Variants in HPSE2 observed in about 807,000 individuals in gnomAD.
HPSE2 encodes the protein inactive heparanase-2.
HPSE2 carries 38 observed loss-of-function variants against 60.5 expected under a neutral mutation model. That is an observed-to-expected ratio of 0.63 (90% CI 0.48 to 0.82). The LOEUF is 0.82. HPSE2 is among the 40% of genes least tolerant of loss of function. The pLI, the probability that HPSE2 is intolerant of heterozygous loss-of-function variation, is 0.00. For synonymous variants in HPSE2, 295 were observed against 293.2 expected, an observed-to-expected ratio of 1.01 and a Z score of -0.06; for missense variants, 713 against 740.4, an observed-to-expected ratio of 0.96 and a Z score of 0.43.
intron 3 of HPSE2, among the ~76,000 whole-genome samples, chr10:99,050,715 T>C (rs753418692): frequency 4.6e-5 from 7 of 152,094 alleles, no homozygotes; most frequent in African/African-American, 7.2e-5. Context: ...TGGGACACCA[T>C]GGGTGAACCT....
intron 6 of HPSE2, among the ~76,000 whole-genome samples, chr10:98,671,201 C>T (rs553258482): frequency 7.9e-5 from 12 of 152,240 alleles, no homozygotes; most frequent in Non-Finnish European, 1.3e-4. Flanking sequence ...GGGTTCTACA[C>T]GAGGAACATA....
intron 9 of HPSE2, among the ~76,000 whole-genome samples, chr10:98,582,203 A>G (rs1354765418): frequency 6.6e-6 from 1 of 152,240 alleles, no homozygotes; most frequent in African/African-American, 2.4e-5. Context: ...TTGTGTTGAA[A>G]ATGTAAACGG....
At chr10:98,526,547 C>T (rs1375763319) in intron 9 of HPSE2, among the ~76,000 whole-genome samples, 2 of 152,168 alleles carry the variant, frequency 1.3e-5, no homozygotes, top group African/African-American at 2.4e-5. Flanking sequence ...AGTGCTTGTG[C>T]TCAGGCAGCA....
In HPSE2 at chr10:98,679,555, GT is replaced by G. The variant is rs201476015; in HGVS notation, c.1004+14344del. ...GTTTGCTCTCAATACTTTCTACTGT[GT>G]TTTTTTTAAAATAAGCTATTTTTAT... On this transcript the variant is annotated intron_variant, in intron 6 of 11. Transcript: ENST00000370552. Among the ~76,000 whole-genome samples, 40 of 151,648 alleles carry G rather than the reference GT, an allele frequency of 2.6e-4. No homozygotes were observed. The East Asian group carries it at 7.2e-3, about 27-fold the overall frequency.
At chr10:99,211,350 A>G (rs961528563) in intron 2 of HPSE2, among the ~76,000 whole-genome samples, 30 of 152,234 alleles carry the variant, frequency 2.0e-4, no homozygotes, top group African/African-American at 7.0e-4. Flanking sequence ...GATTTAGAAA[A>G]AATCCTAAAA....
chr10:99,266,801 C>G, the HPSE2 span, among the ~76,000 whole-genome samples: 1 of 152,180 alleles, frequency 6.6e-6, no homozygotes, highest in Non-Finnish European at 1.5e-5. Context: ...GCTGAGAGAC[C>G]TGAAGATTGT....
In HPSE2 at chr10:98,997,386, G is replaced by T. The variant is rs185866599; in HGVS notation, c.610+146852C>A. ...CCACCTCAGACTCCCAAACTGCTGG[G>T]ATTACAGGCTTCAGCCACTGTGCCC... is the stretch of plus-strand genomic sequence containing the variant. On this transcript the variant is annotated intron_variant, in intron 3 of 11. Transcript: ENST00000370552. Among the ~76,000 whole-genome samples, 617 of 152,148 alleles carry T rather than the reference G, an allele frequency of 4.1e-3. 3 individuals carry two copies. The highest frequency in any genetic ancestry group is 0.014 in the African/African-American group (599 of 41,520).
chr10:99,013,375 T>C (rs937757645), intron 3 of HPSE2: 4 of 582,666 alleles, frequency 6.9e-6, no homozygotes, highest in African/African-American at 5.6e-5. Flanking sequence ...ACAGCAACTA[T>C]ACAGACTCTG....
chr10:98,997,595 T>C (rs1333423536), intron 3 of HPSE2, among the ~76,000 whole-genome samples: 1 of 152,240 alleles, frequency 6.6e-6, no homozygotes, highest in Admixed American at 6.5e-5. Context: ...ATTTGTATTT[T>C]ATACTTTGGC....
At chr10:99,036,845 A>G (rs776783691) in intron 3 of HPSE2, among the ~76,000 whole-genome samples, 10 of 152,170 alleles carry the variant, frequency 6.6e-5, no homozygotes, top group Non-Finnish European at 1.2e-4. Flanking sequence ...GTGAAGCTTA[A>G]TTCCCATCCT....
chr10:98,554,102 T>C (rs1349240583), intron 9 of HPSE2, among the ~76,000 whole-genome samples: 1 of 152,164 alleles, frequency 6.6e-6, no homozygotes, highest in Non-Finnish European at 1.5e-5. Context: ...TTTCCCATAA[T>C]CCTGAGAGAA....
At chr10:99,158,611 G>T in intron 2 of HPSE2, among the ~76,000 whole-genome samples, 1 of 132,144 alleles carries the variant, frequency 7.6e-6, no homozygotes, top group African/African-American at 2.9e-5. Flanking sequence ...GGTGGGGTGG[G>T]GGGAGGGATA....
chr10:98,846,594 A>G (rs1952041063), intron 3 of HPSE2, among the ~76,000 whole-genome samples: 1 of 152,226 alleles, frequency 6.6e-6, no homozygotes, highest in South Asian at 2.1e-4. Flanking sequence ...CATTAATGAA[A>G]AAGCTTTCAA....
chr10:99,069,080 G>A (rs1842703950), intron 3 of HPSE2, among the ~76,000 whole-genome samples: 1 of 152,168 alleles, frequency 6.6e-6, no homozygotes, highest in African/African-American at 2.4e-5. Flanking sequence ...TCCAGTAACT[G>A]AAGATGCAGG....
In HPSE2 at chr10:98,767,061, T is replaced by C. The variant is rs919916653; in HGVS notation, c.611-23005A>G. 1.3e-4 allele frequency among the ~76,000 whole-genome samples: 20 copies of C among 152,226 alleles called. 1 individual carries two copies. Among genetic ancestry groups the C allele is most frequent in the Non-Finnish European group, 2.2e-4 (15 of 68,032 alleles). On this transcript the variant is annotated intron_variant, in intron 3 of 11. Transcript: ENST00000370552. ...TATATCCGACAAAATTCAACATTAATTCATTATTTTAAAAAATTCATAGCT... is the reference window on the plus strand; with the variant it reads ...TATATCCGACAAAATTCAACATTAACTCATTATTTTAAAAAATTCATAGCT...
chr10:99,302,539 T>C, the HPSE2 span, among the ~76,000 whole-genome samples: 1 of 152,096 alleles, frequency 6.6e-6, no homozygotes, highest in Non-Finnish European at 1.5e-5. Flanking sequence ...ACTCCACCCA[T>C]GTCAGCCACA....
chr10:98,584,192 GT>G (rs1944879143), intron 9 of HPSE2, among the ~76,000 whole-genome samples: 2 of 152,312 alleles, frequency 1.3e-5, no homozygotes, highest in Admixed American at 6.5e-5. Context: ...TAAAAAGAGT[GT>G]GAAGGGAGTA....
At chr10:99,187,735 A>C (rs916614513) in intron 2 of HPSE2, among the ~76,000 whole-genome samples, 1 of 152,230 alleles carries the variant, frequency 6.6e-6, no homozygotes, top group African/African-American at 2.4e-5. Flanking sequence ...GACTGACTAT[A>C]ATAAGCTTTG....
chr10:99,113,476 T>C (rs1055719366), intron 3 of HPSE2, among the ~76,000 whole-genome samples: 1 of 152,174 alleles, frequency 6.6e-6, no homozygotes, highest in Non-Finnish European at 1.5e-5. Context: ...CATACGTATA[T>C]ACACACATGT....
Sources: gnomAD v4.1 joint callset for allele counts (sites outside exome capture counted in the v4.1 genomes callset) on GRCh38, gnomAD v4.1.1 for gene constraint, MANE v1.5 for transcripts, NCBI Gene and HGNC (gene_info 2026-07-23, HGNC 2026-07-21) for gene names.